The following RSU1 variants were observed in gnomAD, a reference collection of about 807,000 sequenced individuals.
The protein encoded by RSU1 is rsu-1.
A neutral mutation model predicts 31.1 loss-of-function variants in RSU1; 26 were observed. The observed-to-expected ratio is 0.84, with a 90% CI of 0.61 to 1.16. The LOEUF (loss-of-function observed/expected upper bound fraction) is 1.16. Ranked by LOEUF, RSU1 falls within the 50% of genes most tolerant of loss-of-function variation. RSU1 has a pLI of 0.00. For missense variants in RSU1, 320 were observed against 339.1 expected (o/e 0.94, Z 0.44); for synonymous variants, 164 against 136.3 (o/e 1.20, Z -1.41).
At chr10:16,657,269 C>A (rs1834802150) in intron 8 of RSU1, among the ~76,000 whole-genome samples, 1 of 152,140 alleles carries the variant, frequency 6.6e-6, no homozygotes, top group Non-Finnish European at 1.5e-5. Context: ...GATGGTAACT[C>A]CTAGTACTTC....
At chr10:16,682,535 TAC>T (rs68128821) in intron 8 of RSU1, among the ~76,000 whole-genome samples, 1,089 of 26,316 alleles carry the variant, frequency 0.041, 38 homozygotes, top group East Asian at 0.31. Context: ...AAATCATTCA[TAC>T]ACACACACAC....
At chr10:16,614,116 A>C (rs904400105) in intron 8 of RSU1, among the ~76,000 whole-genome samples, 2 of 152,246 alleles carry the variant, frequency 1.3e-5, no homozygotes, top group Non-Finnish European at 2.9e-5. Context: ...AGAAGTACAA[A>C]GTAGGTAAGC....
intron 7 of RSU1, among the ~76,000 whole-genome samples, chr10:16,702,622 T>G (rs1222434629): frequency 6.6e-6 from 1 of 152,204 alleles, no homozygotes; most frequent in East Asian, 1.9e-4. Flanking sequence ...TTTGGCCAAT[T>G]TCTCCCTACT....
intron 8 of RSU1, among the ~76,000 whole-genome samples, chr10:16,692,227 C>T (rs1387974772): frequency 6.6e-6 from 1 of 152,140 alleles, no homozygotes; most frequent in East Asian, 1.9e-4. Context: ...TTATAGATAC[C>T]TCTCATTTAT....
intron 8 of RSU1, among the ~76,000 whole-genome samples, chr10:16,639,667 T>A (rs572630057): frequency 6.6e-6 from 1 of 152,380 alleles, no homozygotes; most frequent in South Asian, 2.1e-4. Flanking sequence ...GAAATTTTAT[T>A]GCCAAAGACA....
At chr10:16,651,038 T>C (rs1834676819) in intron 8 of RSU1, among the ~76,000 whole-genome samples, 1 of 152,202 alleles carries the variant, frequency 6.6e-6, no homozygotes, top group Non-Finnish European at 1.5e-5. Context: ...TCATCTTTAT[T>C]AGATAAATTA....
chr10:16,704,981 T>C (rs1455872078), intron 7 of RSU1, among the ~76,000 whole-genome samples: 1 of 152,216 alleles, frequency 6.6e-6, no homozygotes, highest in South Asian at 2.1e-4. Context: ...TGACTTTTTT[T>C]CATCTTGTAA....
chr10:16,744,033 G>A lies in RSU1; in HGVS notation c.598+8506C>T, dbSNP rs1836800545. On this transcript the variant is annotated intron_variant, in intron 7 of 8. Transcript: ENST00000345264. ...TGGTCCCAGCTACTTGGAAGGCTGAGGTGCAAGGATCACCTGGGCCCAGAA... is the reference window on the plus strand; with the variant it reads ...TGGTCCCAGCTACTTGGAAGGCTGAAGTGCAAGGATCACCTGGGCCCAGAA... Among the ~76,000 whole-genome samples, 3 of 151,762 alleles carry A rather than the reference G, an allele frequency of 2.0e-5. No homozygotes were observed. In the South Asian group the frequency reaches 6.2e-4, roughly 32 times the overall value.
chr10:16,757,121 G>C (rs1466663528), intron 4 of RSU1, among the ~76,000 whole-genome samples: 2 of 151,604 alleles, frequency 1.3e-5, no homozygotes, highest in African/African-American at 4.9e-5. Flanking sequence ...GTGTGCGTGT[G>C]TGTGTGTGGG....
intron 2 of RSU1, 41 bp from the exon 3 acceptor site, chr10:16,782,125 T>C (rs1329699217): frequency 2.0e-6 from 3 of 1,505,774 alleles, no homozygotes; most frequent in East Asian, 4.5e-5. Context: ...TCAGTAAATG[T>C]ATCACTGTAT....
chr10:16,762,840 C>T (rs1400238376), intron 4 of RSU1, among the ~76,000 whole-genome samples: 1 of 151,942 alleles, frequency 6.6e-6, no homozygotes, highest in East Asian at 1.9e-4. Context: ...TGGTGAAACC[C>T]CATCTCTACT....
intron 7 of RSU1, among the ~76,000 whole-genome samples, chr10:16,729,304 A>T (rs189247105): frequency 6.6e-6 from 1 of 152,214 alleles, no homozygotes; most frequent in Non-Finnish European, 1.5e-5. Flanking sequence ...TACACTTCCA[A>T]TTCAGACCCA....
intron 4 of RSU1, among the ~76,000 whole-genome samples, 155 bp from the exon 5 acceptor site, chr10:16,755,144 C>G (rs535042405): frequency 1.8e-4 from 27 of 152,168 alleles, no homozygotes; most frequent in Non-Finnish European, 2.8e-4. Context: ...TTTTTTGAGA[C>G]AGGGTCTTAC....
chr10:16,769,443 G>A (rs1253646811), intron 3 of RSU1, among the ~76,000 whole-genome samples: 3 of 152,348 alleles, frequency 2.0e-5, no homozygotes, highest in East Asian at 1.9e-4. Flanking sequence ...CTCCACTACT[G>A]CATGGCAGGG....
intron 7 of RSU1, among the ~76,000 whole-genome samples, chr10:16,718,415 T>G (rs577746063): frequency 2.0e-5 from 3 of 152,234 alleles, no homozygotes; most frequent in African/African-American, 7.2e-5. Context: ...TTATTTGTAT[T>G]TATCATTTTA....
chr10:16,760,515 A>AGG (rs1837188831), intron 4 of RSU1, among the ~76,000 whole-genome samples: 2 of 147,616 alleles, frequency 1.4e-5, no homozygotes, highest in South Asian at 4.4e-4. Context: ...ATCTCAAAAA[A>AGG]AGAAAAAAAA....
intron 2 of RSU1, among the ~76,000 whole-genome samples, chr10:16,786,881 T>G (rs1387888149): frequency 6.6e-6 from 1 of 152,028 alleles, no homozygotes; most frequent in Admixed American, 6.5e-5. Flanking sequence ...CACCTGGAAG[T>G]TTGGTACTGA....
intron 8 of RSU1, among the ~76,000 whole-genome samples, chr10:16,596,905 T>C (rs1473365405): frequency 1.3e-5 from 2 of 152,062 alleles, no homozygotes; most frequent in Admixed American, 6.6e-5. Context: ...GTATTTTTAG[T>C]AGAGAGGGGG....
At chr10:16,811,799 G>A (rs933791096) in intron 2 of RSU1, among the ~76,000 whole-genome samples, 1 of 152,194 alleles carries the variant, frequency 6.6e-6, no homozygotes. Context: ...TCCTTCTCCA[G>A]AGCTATGCTT....
Sources: allele counts gnomAD v4.1 joint callset (sites outside exome capture counted in the v4.1 genomes callset), GRCh38; gene constraint gnomAD v4.1.1; transcripts MANE v1.5; gene names NCBI Gene and HGNC (gene_info 2026-07-23, HGNC 2026-07-21).